The following BANK1 variants were observed in gnomAD, a reference collection of about 807,000 sequenced individuals.
The protein encoded by BANK1 is B cell scaffold protein with ankyrin repeats 1, also known as B-cell scaffold protein with ankyrin repeats.
BANK1 carries 95 observed loss-of-function variants against 94.5 expected under a neutral mutation model. The observed-to-expected ratio is 1.00, with a 90% CI of 0.85 to 1.19. BANK1 has a LOEUF of 1.19. Ranked by LOEUF, BANK1 falls within the 50% of genes most tolerant of loss-of-function variation. BANK1 has a pLI of 0.00. For synonymous variants in BANK1, 334 were observed against 308.4 expected (o/e 1.08, Z -0.87); for missense variants, 987 against 932.2 (o/e 1.06, Z -0.77).
chr4:101,830,296 T>A, intron 2 of BANK1, 90 bp downstream of exon 2: 1 of 1,091,722 alleles, frequency 9.2e-7, no homozygotes, highest in Non-Finnish European at 1.3e-6. Context: ...AACCAATAAC[T>A]GGTGTCAGGA....
Position 102,025,284 on chromosome 4 carries a change from G to T in BANK1, c.1369G>T (p.Gly457Trp), listed in dbSNP as rs778161339. The T allele has an allele frequency of 5.0e-6, 8 of 1,614,068 alleles. No individual in the cohort carries two copies. Among genetic ancestry groups the T allele is most frequent in the Middle Eastern group, 1.6e-4 (1 of 6,062 alleles). ...TGGAGCTGAGGCAAATGAAATGGAA[G>T]GGGAAGGAAAACAGAATGGATCAGG... is the stretch of plus-strand genomic sequence containing the variant. ...ADGAEANEME[G>W]EGKQNGSGME... The change falls in exon 9 of 17, where the codon GGG becomes TGG. Residue 457 changes from glycine (G) to tryptophan (W), a missense_variant. Transcript: ENST00000322953.
intron 11 of BANK1, among the ~76,000 whole-genome samples, chr4:102,049,538 G>A (rs1727981154): frequency 6.6e-6 from 1 of 152,114 alleles, no homozygotes; most frequent in African/African-American, 2.4e-5. Context: ...ATAGTCAAAT[G>A]AACCTTATCA....
In BANK1 at chr4:101,971,983, A is replaced by G. The variant is rs577408242; in HGVS notation, c.1207-49531A>G. 3.6e-4 allele frequency among the ~76,000 whole-genome samples: 54 copies of G among 152,068 alleles called. 1 individual carries two copies. The East Asian group carries it at 8.3e-3, about 23-fold the overall frequency. ...GCTATTTGGGGTTCTTTGTGTTTTC[A>G]TGTTAACTTTAGGATCGTTTTTTCT... is the stretch of plus-strand genomic sequence containing the variant. On this transcript the variant is annotated intron_variant, in intron 7 of 16. Coordinates refer to ENST00000322953, the MANE Select transcript of BANK1 (RefSeq NM_017935.5).
chr4:101,969,095 T>G (rs1490831464), intron 7 of BANK1, among the ~76,000 whole-genome samples: 1 of 152,060 alleles, frequency 6.6e-6, no homozygotes, highest in Non-Finnish European at 1.5e-5. Context: ...TAGTATGACT[T>G]GGAGCTTCTT....
At chr4:102,038,481 C>A (rs1727595459) in intron 10 of BANK1, among the ~76,000 whole-genome samples, 2 of 152,062 alleles carry the variant, frequency 1.3e-5, no homozygotes, top group South Asian at 4.1e-4. Context: ...AATAGATGAT[C>A]CCAAATGAAG....
chr4:101,965,339 T>TAA (rs57496270), intron 7 of BANK1, among the ~76,000 whole-genome samples: 1 of 139,340 alleles, frequency 7.2e-6, no homozygotes, highest in Admixed American at 7.1e-5. Flanking sequence ...ACCACCTAAA[T>TAA]AAAAAAAAAA....
intron 1 of BANK1, among the ~76,000 whole-genome samples, chr4:101,791,749 A>AT (rs1724995254): frequency 6.6e-6 from 1 of 152,214 alleles, no homozygotes; most frequent in African/African-American, 2.4e-5. Context: ...TAAATTTCTC[A>AT]TACCTTTCTA....
rs760810831 is a variant in BANK1, at chr4:101,895,324, A to G, written c.923A>G (p.Asp308Gly). 7 of 1,586,208 alleles carry G rather than the reference A, an allele frequency of 4.4e-6. No homozygotes were observed. Among genetic ancestry groups the G allele is most frequent in the South Asian group, 1.1e-5 (1 of 87,450 alleles). The change falls in exon 6 of 17, where the codon GAT (aspartate) becomes GGT (glycine). Residue 308 changes from aspartate (D) to glycine (G), a missense_variant. Transcript: ENST00000322953. ...AAACAGAATAGCATTGAAGAACTTG[A>G]TGGTGTCCTTACATCCATATTCAAA... ...SLCQNSIEEL[D>G]GVLTSIFKHE...
At chr4:102,059,655 T>C (rs1238889033) in intron 11 of BANK1, among the ~76,000 whole-genome samples, 1 of 152,174 alleles carries the variant, frequency 6.6e-6, no homozygotes, top group Non-Finnish European at 1.5e-5. Flanking sequence ...TGCTCCAAAA[T>C]AAACTCTTTT....
intron 2 of BANK1, among the ~76,000 whole-genome samples, chr4:101,847,882 T>G (rs967972257): frequency 2.0e-5 from 3 of 152,090 alleles, no homozygotes; most frequent in Admixed American, 6.6e-5. Flanking sequence ...CCAGGAAGCT[T>G]CTTGCCCCGT....
chr4:102,018,010 T>C (rs1726768831), intron 7 of BANK1, among the ~76,000 whole-genome samples: 1 of 152,176 alleles, frequency 6.6e-6, no homozygotes, highest in African/African-American at 2.4e-5. Flanking sequence ...ATTATATGAA[T>C]GTGCTTTTAG....
chr4:101,792,255 T>TCCCCCCCCCCCCCCCCCCCCCC (rs771698917), intron 1 of BANK1, among the ~76,000 whole-genome samples: 1 of 128,662 alleles, frequency 7.8e-6, no homozygotes. Context: ...TGCATTCCGC[T>TCCCCCCCCCCCCCCCCCCCCCC]CCCCCCCCGC....
chr4:101,905,088 A>G (rs928805335), intron 6 of BANK1, among the ~76,000 whole-genome samples: 2 of 152,226 alleles, frequency 1.3e-5, no homozygotes, highest in Non-Finnish European at 2.9e-5. Flanking sequence ...GAACTGTGCT[A>G]TGTGTTCTCC....
At chr4:101,878,223 A>G (rs1728560609) in intron 5 of BANK1, among the ~76,000 whole-genome samples, 2 of 152,154 alleles carry the variant, frequency 1.3e-5, no homozygotes, top group African/African-American at 2.4e-5. Flanking sequence ...AATGCACTCT[A>G]TAAAGACACA....
At chr4:102,051,987 C>T (rs6812465) in intron 11 of BANK1, among the ~76,000 whole-genome samples, 85,431 of 151,926 alleles carry the variant, frequency 0.56, 24,556 homozygotes, top group East Asian at 0.65. Flanking sequence ...TCTTGAGTTG[C>T]GAACTGCACC....
chr4:102,006,254 A>C (rs1726257314), intron 7 of BANK1, among the ~76,000 whole-genome samples: 1 of 152,006 alleles, frequency 6.6e-6, no homozygotes. Context: ...ATCTGACCTT[A>C]AGTATTTGTT....
intron 5 of BANK1, among the ~76,000 whole-genome samples, chr4:101,888,200 C>A (rs1045104013): frequency 6.6e-6 from 1 of 152,332 alleles, no homozygotes; most frequent in South Asian, 2.1e-4. Flanking sequence ...CTTTTAGATA[C>A]TTCTTGGCCT....
chr4:102,062,913 G>A (rs1728466379), intron 12 of BANK1, 162 bp from the exon 13 acceptor site: 2 of 587,922 alleles, frequency 3.4e-6, no homozygotes, highest in South Asian at 2.2e-5. Flanking sequence ...TGAGAATTAA[G>A]TAAGATAACG....
In BANK1 at chr4:101,990,737, T is replaced by C. The variant is rs144168309; in HGVS notation, c.1207-30777T>C. 2.8e-3 allele frequency among the ~76,000 whole-genome samples: 426 copies of C among 152,300 alleles called. 2 individuals are homozygous for C. Among genetic ancestry groups the C allele is most frequent in the African/African-American group, 1.0e-2 (414 of 41,578 alleles). ...CTATCAGCTTTTACAAAGTAGATCA[T>C]AGAATGCAATATATTTTGAAACATT... On this transcript the variant is annotated intron_variant, in intron 7 of 16. Coordinates refer to ENST00000322953, the MANE Select transcript of BANK1 (RefSeq NM_017935.5).
Sources: allele counts gnomAD v4.1 joint callset (sites outside exome capture counted in the v4.1 genomes callset), GRCh38; gene constraint gnomAD v4.1.1; transcripts MANE v1.5; gene names NCBI Gene and HGNC (gene_info 2026-07-23, HGNC 2026-07-21).